The following QRICH2 variants were observed in gnomAD, a reference collection of about 807,000 sequenced individuals.
QRICH2 encodes glutamine rich 2, also known as glutamine-rich protein 2.
Under a neutral mutation model 168.3 loss-of-function variants are expected in QRICH2, and 119 were observed. The observed-to-expected ratio is 0.71, with a 90% CI of 0.61 to 0.82. QRICH2 has a LOEUF of 0.82. Among genes scored for constraint, QRICH2 ranks in the 40% least tolerant of loss-of-function variants. QRICH2 has a pLI of 0.00. For synonymous variants in QRICH2, 894 were observed against 951.2 expected, an observed-to-expected ratio of 0.94 and a Z score of 1.11; for missense variants, 2,241 against 2,491.6, an observed-to-expected ratio of 0.90 and a Z score of 2.14.
chr17:76,295,156 G>A (rs2070776363), intron 3 of QRICH2, among the ~76,000 whole-genome samples: 1 of 151,854 alleles, frequency 6.6e-6, no homozygotes, highest in African/African-American at 2.4e-5. Context: ...CTACTTGGGA[G>A]GACAAGTCAT....
intron 7 of QRICH2, among the ~76,000 whole-genome samples, chr17:76,285,125 C>CTGTTGTTGTTGTTGTTGTTGT (rs112068809): frequency 0.036 from 5,291 of 147,804 alleles, 361 homozygotes; most frequent in African/African-American, 0.13. Flanking sequence ...CAGCTATTTT[C>CTGTTGTTGTTGTTGTTGTTGT]TGTTGTTGTT....
chr17:76,298,772 C>T (rs1002424489), intron 3 of QRICH2, among the ~76,000 whole-genome samples: 3 of 152,118 alleles, frequency 2.0e-5, no homozygotes, highest in Admixed American at 6.6e-5. Context: ...CATGCCACCA[C>T]GCCCGGCTAA....
At chr17:76,301,832 A>G (rs1419205350) in intron 3 of QRICH2, among the ~76,000 whole-genome samples, 1 of 145,904 alleles carries the variant, frequency 6.9e-6, no homozygotes, top group Non-Finnish European at 1.5e-5. Flanking sequence ...CCTCCCAAGT[A>G]GCTGGGATTA....
At position 76,282,030 on chromosome 17, in the gene QRICH2, T is replaced by TG; in HGVS notation, c.4096dup (p.His1366ProfsTer11). 1 of 1,613,656 alleles carries TG rather than the reference T, an allele frequency of 6.2e-7. No homozygotes were observed. On this transcript the variant is annotated frameshift_variant, in exon 8 of 19. Coordinates refer to ENST00000680821, the MANE Select transcript of QRICH2 (RefSeq NM_001388453.1). LOFTEE classifies it high-confidence loss of function. Reference sequence around the variant, plus strand: ...GTCGATCTGGCCAGGAGCCAAGGTGTGGGCCTTGTGCGGGGCCATGCTCAT... The same window carrying TG: ...GTCGATCTGGCCAGGAGCCAAGGTGTGGGGCCTTGTGCGGGGCCATGCTCAT...
chr17:76,293,447 A>G lies in QRICH2; in HGVS notation c.1280T>C (p.Met427Thr), dbSNP rs748658556. The change falls in exon 4 of 19, where the codon ATG becomes ACG. Residue 427 changes from methionine (M) to threonine (T), a missense_variant. Physicochemically the swap from Met to Thr is moderately conservative, Grantham distance 81 (BLOSUM62 -1). This residue lies in a region of QRICH2 where 2,047 missense variants were observed against 2,303.8 expected (regional missense o/e 0.89). Coordinates refer to ENST00000680821, the MANE Select transcript of QRICH2 (RefSeq NM_001388453.1). Reference protein sequence around the residue: ...MGQLGVPPPEMDDRELIPFVV... With the variant: ...MGQLGVPPPETDDRELIPFVV... ...AAATGGTATCAATTCCCGATCATCC[A>G]TTTCAGGTGGTGGCACACCAAGCTG... 19 of 1,614,046 alleles carry G rather than the reference A, an allele frequency of 1.2e-5. No individual in the cohort carries two copies. Among genetic ancestry groups the G allele is most frequent in the African/African-American group, 1.1e-4 (8 of 74,910 alleles).
intron 1 of QRICH2, among the ~76,000 whole-genome samples, chr17:76,306,406 T>G (rs1287115849): frequency 6.6e-6 from 1 of 152,066 alleles, no homozygotes; most frequent in Non-Finnish European, 1.5e-5. Context: ...CTGTCTCTCC[T>G]CTTGGCCTCC....
In QRICH2 at chr17:76,292,017, G is replaced by C. The variant is rs1446202979; in HGVS notation, c.2710C>G (p.Pro904Ala). The C allele has an allele frequency of 3.7e-6, 6 of 1,614,118 alleles. No individual in the cohort carries two copies. The highest frequency in any genetic ancestry group is 5.1e-6 in the Non-Finnish European group (6 of 1,180,048). The change falls in exon 4 of 19, where the codon CCT (proline) becomes GCT (alanine). Residue 904 changes from proline (P) to alanine (A), a missense_variant. By Grantham distance (27) the Pro-to-Ala change is conservative. Transcript: ENST00000680821. ...ACCATACCCAGCTGACCTGCACCAG[G>C]CTGGACCAAACCAGGCTGATCTGCA... ...PGADQPGLVQ[P>A]GAGQLGMVQP...
chr17:76,291,698 C>A lies in QRICH2; in HGVS notation c.3029G>T (p.Gly1010Val). ...TTGTTCTCTGCCAGGAGGTACCATA[C>A]CATGTTGATATGGACGTACTGATAT... ...GFISVRPYQH[G>V]MVPPGREQYG... Residue 1010 changes from glycine to valine, a missense_variant, in exon 4 of 19, where the codon GGT becomes GTT. Gly to Val is a moderately radical substitution (Grantham distance 109). This residue lies in a region of QRICH2 where 2,047 missense variants were observed against 2,303.8 expected (regional missense o/e 0.89). Transcript: ENST00000680821. 6.2e-7 allele frequency: 1 copy of A among 1,614,102 alleles called. No individual in the cohort carries two copies. Among genetic ancestry groups the A allele is most frequent in the South Asian group, 1.1e-5 (1 of 91,080 alleles).
chr17:76,274,270 A>T lies in QRICH2; in HGVS notation c.5483-10T>A. 2 of 1,571,786 alleles carry T rather than the reference A, an allele frequency of 1.3e-6. No individual in the cohort carries two copies. The highest frequency in any genetic ancestry group is 1.7e-6 in the Non-Finnish European group (2 of 1,165,542). On this transcript the variant is annotated splice_polypyrimidine_tract_variant and intron_variant, in intron 18 of 18. Transcript: ENST00000680821. The stretch of plus-strand genomic sequence containing the variant: ...TGTTGACGAGAAGAAACTGTAAGAC[A>T]GGGGTGCTGAGGTTGCTCAACACAT...
chr17:76,280,559 A>G lies in QRICH2; in HGVS notation c.4461+95T>C, dbSNP rs1039221650. On this transcript the variant is annotated intron_variant, in intron 10 of 18. Transcript: ENST00000680821. This position sits in a 1 kb window ranked among gnomAD's most constrained non-coding sequence, Gnocchi z 7.4. ...ACCAGGCAGGTTTCTGAGAGCCCAC[A>G]CTCGTCTCGCCAGCTCCCCTCCACT... The G allele has an allele frequency of 6.3e-7, 1 of 1,594,246 alleles. No homozygotes were observed. Among genetic ancestry groups the G allele is most frequent in the African/African-American group, 1.3e-5 (1 of 74,324 alleles).
At position 76,307,735 on chromosome 17, in the gene QRICH2, G is replaced by A; in HGVS notation, c.264C>T (p.Arg88=). The A allele has an allele frequency of 2.2e-6, 3 of 1,393,982 alleles. No individual in the cohort carries two copies. The highest frequency in any genetic ancestry group is 9.3e-7 in the Non-Finnish European group (1 of 1,078,046). 86.4% of individuals were successfully genotyped at this position (1,393,982 alleles called of 1,614,324 possible). ...EVPKGAPREK[R]RGVGQAPSSA... is the part of the protein sequence containing the mutation. ...ACGAAGGCGCCTGGCCCACGCCCCT[G>A]CGCTTCTCCCGGGGCGCCCCCTTGG... Residue 88 remains arginine (R), a synonymous_variant, in exon 1 of 19, where the codon CGC becomes CGT. Coordinates refer to ENST00000680821, the MANE Select transcript of QRICH2 (RefSeq NM_001388453.1). This position sits in a 1 kb window ranked among gnomAD's most constrained non-coding sequence, Gnocchi z 5.3.
In QRICH2 at chr17:76,283,498, TC is replaced by T. The variant is rs1418916256; in HGVS notation, c.4012-1384del. 2.0e-5 allele frequency among the ~76,000 whole-genome samples: 3 copies of T among 152,266 alleles called. No individual in the cohort carries two copies. In the East Asian group the frequency reaches 5.8e-4, roughly 29 times the overall value. On this transcript the variant is annotated intron_variant, in intron 7 of 18. Coordinates refer to ENST00000680821, the MANE Select transcript of QRICH2 (RefSeq NM_001388453.1). ...GTGACTCTTAAACGCTCCCAGCTGCTCCTCAGGCAGGACTCCTGGCCCGGGG... is the reference window on the plus strand; with the variant it reads ...GTGACTCTTAAACGCTCCCAGCTGCTCTCAGGCAGGACTCCTGGCCCGGGG...
Position 76,281,716 on chromosome 17 carries a change from CT to C in QRICH2, c.4263+147del, listed in dbSNP as rs1488516108. 17 of 935,338 alleles carry C rather than the reference CT, an allele frequency of 1.8e-5. No individual in the cohort carries two copies. The Admixed American group carries it at 4.0e-4, about 22-fold the overall frequency. 57.9% of individuals were successfully genotyped at this position (935,338 alleles called of 1,614,324 possible). On this transcript the variant is annotated intron_variant, in intron 8 of 18. Transcript: ENST00000680821. The surrounding 1 kb of genome is among the most constrained non-coding windows in gnomAD (Gnocchi z 4.4). Reference sequence around the variant, plus strand: ...TGGACCTGCAGAAAGACCAGGGACTCTTGTGGGATCTGGCTAAAGGGCTCCG... The same window carrying C: ...TGGACCTGCAGAAAGACCAGGGACTCTGTGGGATCTGGCTAAAGGGCTCCG...
In QRICH2 at chr17:76,307,727, A is replaced by G; in HGVS notation, c.272T>C (p.Val91Ala). ...KGAPREKRRG[V>A]GQAPSSALES... is the part of the protein sequence containing the mutation. ...CAGCGCTGACGAAGGCGCCTGGCCCACGCCCCTGCGCTTCTCCCGGGGCGC... is the reference window on the plus strand; with the variant it reads ...CAGCGCTGACGAAGGCGCCTGGCCCGCGCCCCTGCGCTTCTCCCGGGGCGC... Residue 91 changes from valine to alanine, a missense_variant, in exon 1 of 19, where the codon GTG (valine) becomes GCG (alanine). Transcript: ENST00000680821. This position sits in a 1 kb window ranked among gnomAD's most constrained non-coding sequence, Gnocchi z 5.3. The G allele has an allele frequency of 7.1e-7, 1 of 1,416,322 alleles. No homozygotes were observed. Among genetic ancestry groups the G allele is most frequent in the Non-Finnish European group, 9.2e-7 (1 of 1,089,282 alleles). The allele number at this position is 1,416,322 out of a possible 1,614,324, so 87.7% of individuals were successfully genotyped here. A position where few individuals can be genotyped will look rare whatever the true frequency, so the allele number is the denominator to read the frequency against.
rs2071042088 is a variant in QRICH2 at position 76,293,118 on chromosome 17, A to T, written c.1609T>A (p.Ser537Thr). 6.2e-7 allele frequency: 1 copy of T among 1,614,104 alleles called. No individual in the cohort carries two copies. The highest frequency in any genetic ancestry group is 8.5e-7 in the Non-Finnish European group (1 of 1,180,048). The change falls in exon 4 of 19, where the codon TCA becomes ACA. Residue 537 changes from serine (S) to threonine (T), a missense_variant. By Grantham distance (58) the Ser-to-Thr change is moderately conservative (BLOSUM62 1). This residue lies in a region of QRICH2 where 2,047 missense variants were observed against 2,303.8 expected (regional missense o/e 0.89). Coordinates refer to ENST00000680821, the MANE Select transcript of QRICH2 (RefSeq NM_001388453.1). ...LPFTDQHGLV[S>T]PGLMPISADQ... is the part of the protein sequence containing the mutation. ...GCACTAATTGGCATCAAACCAGGTG[A>T]TACCAAACCATGCTGGTCTGTAAAA...
rs67296304 is a variant in QRICH2 at position 76,303,872 on chromosome 17, CAAAAAAAAA to C, written c.705+534_705+542del. Among the ~76,000 whole-genome samples, 3 of 71,686 alleles carry C rather than the reference CAAAAAAAAA, an allele frequency of 4.2e-5. No individual in the cohort carries two copies. In the East Asian group the frequency reaches 1.0e-3, roughly 25 times the overall value. 47.0% of individuals were successfully genotyped at this position (71,686 alleles called of 152,430 possible). On this transcript the variant is annotated intron_variant, in intron 3 of 18. Coordinates refer to ENST00000680821, the MANE Select transcript of QRICH2 (RefSeq NM_001388453.1). ...TGGGTAATAGAGCAAAACTCTGTCT[CAAAAAAAAA>C]AAAAAAAAAAAAGTCGCCACCAGCA... is the stretch of plus-strand genomic sequence containing the variant.
At chr17:76,287,731 C>T (rs985270510) in intron 6 of QRICH2, 69 bp downstream of exon 6, 17 of 1,177,098 alleles carry the variant, frequency 1.4e-5, no homozygotes, top group African/African-American at 3.0e-5. Context: ...AGCCACTGGC[C>T]GCCATCACCT....
chr17:76,280,515 G>A lies in QRICH2; in HGVS notation c.4462-64C>T. The A allele has an allele frequency of 2.5e-6, 4 of 1,597,646 alleles. No homozygotes were observed. Among genetic ancestry groups the A allele is most frequent in the Non-Finnish European group, 3.4e-6 (4 of 1,170,086 alleles). On this transcript the variant is annotated intron_variant, in intron 10 of 18. Transcript: ENST00000680821. The surrounding 1 kb of genome is among the most constrained non-coding windows in gnomAD (Gnocchi z 7.4). ...TGGCCATGGAGGGGCCCCATTCCCT[G>A]GGGGTGTCGACCCCTATCACCAGGC...
rs1701484177 is a variant in QRICH2, at chr17:76,307,412, G to A, written c.534+53C>T. The stretch of plus-strand genomic sequence containing the variant: ...TGGTGGGGACTCGGCTAGGCCTGGA[G>A]GGCGGCCTGGAGGAGGCAGACGGCC... On this transcript the variant is annotated intron_variant, in intron 1 of 18. Coordinates refer to ENST00000680821, the MANE Select transcript of QRICH2 (RefSeq NM_001388453.1). The surrounding 1 kb of genome is among the most constrained non-coding windows in gnomAD (Gnocchi z 5.3). 1 of 1,591,956 alleles carries A rather than the reference G, an allele frequency of 6.3e-7. No individual in the cohort carries two copies. Among genetic ancestry groups the A allele is most frequent in the Admixed American group, 1.7e-5 (1 of 59,804 alleles).
Sources: allele counts gnomAD v4.1 joint callset (sites outside exome capture counted in the v4.1 genomes callset), GRCh38; gene constraint gnomAD v4.1.1; regional missense constraint gnomAD v4.1.1; non-coding constraint Gnocchi (gnomAD v3.1); transcripts MANE v1.5; gene names NCBI Gene and HGNC (gene_info 2026-07-23, HGNC 2026-07-21).